Variants in FH observed in about 807,000 individuals in gnomAD.
The protein encoded by FH is fumarate hydratase.
FH carries 22 observed loss-of-function variants against 49.4 expected under a neutral mutation model. The observed-to-expected ratio is 0.45, with a 90% CI of 0.32 to 0.64. FH has a LOEUF of 0.64. Ranked by LOEUF, FH falls within the 30% of genes least tolerant of loss-of-function variation. The probability of loss-of-function intolerance (pLI) is 0.05; values close to 1 mark genes in which losing one functional copy is unlikely to be tolerated. For missense variants in FH, 526 were observed against 641.5 expected (o/e 0.82, Z 1.95); for synonymous variants, 208 against 223.0 (o/e 0.93, Z 0.60).
intron 2 of FH, among the ~76,000 whole-genome samples, chr1:241,515,384 A>G (rs1660188461): frequency 6.6e-6 from 1 of 152,124 alleles, no homozygotes; most frequent in Non-Finnish European, 1.5e-5. Context: ...CACTCCCACC[A>G]ACACTAGCTG....
chr1:241,504,371 T>C (rs1390704453), intron 6 of FH, 126 bp from the exon 7 acceptor site: 1 of 882,056 alleles, frequency 1.1e-6, no homozygotes, highest in Admixed American at 2.4e-5. Flanking sequence ...AAAAAAATGT[T>C]TACTTAAGAC....
At chr1:241,504,319 CAG>C (rs1229147672) in intron 6 of FH, 74 bp from the exon 7 acceptor site, 2 of 1,383,330 alleles carry the variant, frequency 1.4e-6, no homozygotes, top group Non-Finnish European at 2.0e-6. Flanking sequence ...GCAAGTGAAA[CAG>C]AAAGTTCCAA....
chr1:241,518,032 T>C (rs986342886), intron 1 of FH, among the ~76,000 whole-genome samples: 9 of 152,154 alleles, frequency 5.9e-5, no homozygotes, highest in Non-Finnish European at 1.2e-4. Flanking sequence ...GACTGTCTTA[T>C]TTACAGGGCC....
chr1:241,499,798 C>T (rs749842657), intron 9 of FH, among the ~76,000 whole-genome samples: 3 of 152,116 alleles, frequency 2.0e-5, no homozygotes, highest in Non-Finnish European at 4.4e-5. Context: ...AAAGTGTAAA[C>T]AGTTTATTTA....
At chr1:241,511,419 G>C (rs1236079812) in intron 4 of FH, among the ~76,000 whole-genome samples, 1 of 152,186 alleles carries the variant, frequency 6.6e-6, no homozygotes, top group South Asian at 2.1e-4. Flanking sequence ...AAAGGACTGA[G>C]ACAATCGCAA....
intron 9 of FH, 60 bp from the exon 10 acceptor site, chr1:241,498,030 A>T: frequency 1.3e-6 from 2 of 1,549,520 alleles, no homozygotes; most frequent in Non-Finnish European, 1.8e-6. Context: ...TTCCTAAAGC[A>T]AAAGGTGACA....
In FH at chr1:241,512,064, A is replaced by G; in HGVS notation, c.458T>C (p.Val153Ala). 3 of 1,613,860 alleles carry G rather than the reference A, an allele frequency of 1.9e-6. No homozygotes were observed. The highest frequency in any genetic ancestry group is 2.5e-6 in the Non-Finnish European group (3 of 1,179,778). Residue 153 changes from valine (V) to alanine (A), a missense_variant, in exon 4 of 10, where the codon GTA becomes GCA. By Grantham distance (64) the Val-to-Ala change is moderately conservative. Around this residue, in one of 2 missense-constraint regions of FH, gnomAD observed 383 missense variants for 514.0 expected, o/e 0.75. Coordinates refer to ENST00000366560, the MANE Select transcript of FH (RefSeq NM_000143.4). ...TGCTCTATTGCTAATGACTTCATTT[A>G]CATTCATATTTGTCTGAGTTCCTGA... ...TGSGTQTNMN[V>A]NEVISNRAIE... is the part of the protein sequence containing the mutation.
chr1:241,503,917 G>A, intron 7 of FH, 125 bp downstream of exon 7: 1 of 998,538 alleles, frequency 1.0e-6, no homozygotes, highest in Non-Finnish European at 1.5e-6. Context: ...CAGACATGCT[G>A]GAACAGTGCG....
intron 9 of FH, among the ~76,000 whole-genome samples, chr1:241,498,370 T>A (rs2147911617): frequency 6.6e-6 from 1 of 152,048 alleles, no homozygotes; most frequent in African/African-American, 2.4e-5. Flanking sequence ...AATGCTCCAG[T>A]CCAGCAGAAA....
At chr1:241,505,536 T>C (rs1416047953) in intron 6 of FH, among the ~76,000 whole-genome samples, 1 of 152,136 alleles carries the variant, frequency 6.6e-6, no homozygotes, top group East Asian at 1.9e-4. Flanking sequence ...ATAATAGTTA[T>C]CATTATCTAA....
Position 241,511,963 on chromosome 1 carries a change from T to G in FH, c.555+4A>C. ...CCAAAAAACAGCAAAGCTCACATAC[T>G]GACCTGGCTTTTATTAACATGATCG... On this transcript the variant is annotated splice_donor_region_variant and intron_variant, in intron 4 of 9. Coordinates refer to ENST00000366560, the MANE Select transcript of FH (RefSeq NM_000143.4). 1.2e-6 allele frequency: 2 copies of G among 1,613,856 alleles called. No homozygotes were observed. The highest frequency in any genetic ancestry group is 2.2e-5 in the South Asian group (2 of 91,082).
chr1:241,502,660 A>G, intron 7 of FH, 90 bp from the exon 8 acceptor site: 3 of 1,452,192 alleles, frequency 2.1e-6, no homozygotes, highest in Non-Finnish European at 2.9e-6. Flanking sequence ...AAATAGAGTA[A>G]GATATACAAT....
intron 2 of FH, among the ~76,000 whole-genome samples, chr1:241,514,545 T>A (rs933814056): frequency 6.6e-6 from 1 of 152,006 alleles, no homozygotes; most frequent in Non-Finnish European, 1.5e-5. Flanking sequence ...CACACCAGGT[T>A]TGAATGGGGA....
rs1659656966 is a variant in FH, at chr1:241,497,735, G to A, written c.*93C>T. 1 of 1,167,282 alleles carries A rather than the reference G, an allele frequency of 8.6e-7. No homozygotes were observed. The highest frequency in any genetic ancestry group is 1.2e-6 in the Non-Finnish European group (1 of 814,362). The allele number at this position is 1,167,282 out of a possible 1,614,324, so 72.3% of individuals were successfully genotyped here. On this transcript the variant is annotated 3_prime_UTR_variant, in exon 10 of 10. Coordinates refer to ENST00000366560, the MANE Select transcript of FH (RefSeq NM_000143.4). The stretch of plus-strand genomic sequence containing the variant: ...CTGCTAGAGATGCTTAAGTTCAATA[G>A]CAGTTTCCTTTCAAACTTATCCGTT...
chr1:241,518,797 A>G (rs555978643), intron 1 of FH, among the ~76,000 whole-genome samples: 1 of 152,384 alleles, frequency 6.6e-6, no homozygotes, highest in South Asian at 2.1e-4. Context: ...GCATTCCTAA[A>G]GATGACACTC....
At position 241,512,121 on chromosome 1, in the gene FH, T is replaced by A. The variant is rs769184741; in HGVS notation, c.401A>T (p.Asp134Val). 3 of 1,613,770 alleles carry A rather than the reference T, an allele frequency of 1.9e-6. No homozygotes were observed. The highest frequency in any genetic ancestry group is 1.7e-5 in the Admixed American group (1 of 60,024). ...CTGCCATACCACGAGAGGAAAATGA[T>A]CATTTAATTTACCTTCAGCTACCTG... ...ADEVAEGKLN[D>V]HFPLVVWQTG... Residue 134 changes from aspartate to valine, a missense_variant, in exon 4 of 10, where the codon GAT becomes GTT. Transcript: ENST00000366560.
chr1:241,504,461 A>G (rs1659863040), intron 6 of FH, among the ~76,000 whole-genome samples: 1 of 152,212 alleles, frequency 6.6e-6, no homozygotes, highest in African/African-American at 2.4e-5. Context: ...GTTTTTTCAG[A>G]CAGGGTCTCA....
At chr1:241,511,844 A>T in intron 4 of FH, 123 bp downstream of exon 4, 1 of 931,104 alleles carries the variant, frequency 1.1e-6, no homozygotes, top group Non-Finnish European at 1.7e-6. Flanking sequence ...TAAGAACCAT[A>T]AGAAGCCTTA....
intron 5 of FH, among the ~76,000 whole-genome samples, chr1:241,506,562 A>C (rs760019794): frequency 5.3e-5 from 8 of 152,200 alleles, no homozygotes; most frequent in Non-Finnish European, 8.8e-5. Flanking sequence ...CTTTGGTGTA[A>C]GAAAAAATAG....
Sources: gnomAD v4.1 joint callset for allele counts (sites outside exome capture counted in the v4.1 genomes callset) on GRCh38, gnomAD v4.1.1 for gene constraint, gnomAD v4.1.1 regional missense constraint, MANE v1.5 for transcripts, NCBI Gene and HGNC (gene_info 2026-07-23, HGNC 2026-07-21) for gene names.